The following USB1 variants were observed in gnomAD, a reference collection of about 807,000 sequenced individuals.
The protein encoded by USB1 is U6 snRNA biogenesis phosphodiesterase 1, also known as U6 snRNA phosphodiesterase 1.
Under a neutral mutation model 29.9 loss-of-function variants are expected in USB1, and 21 were observed. The ratio of observed to expected loss-of-function variants is 0.70; its 90% CI spans 0.50 to 1.01. USB1 has a LOEUF of 1.01. Ranked by LOEUF, USB1 falls within the 50% of genes least tolerant of loss-of-function variation. The pLI, the probability that USB1 is intolerant of heterozygous loss-of-function variation, is 0.00. For missense variants in USB1, 330 were observed against 347.1 expected, an observed-to-expected ratio of 0.95 and a Z score of 0.39; for synonymous variants, 143 against 134.9, an observed-to-expected ratio of 1.06 and a Z score of -0.42.
rs937175699 is a variant in USB1 at position 58,012,341 on chromosome 16, A to G, written c.450-1932A>G. 3.3e-6 allele frequency: 5 copies of G among 1,534,476 alleles called. No individual in the cohort carries two copies. The African/African-American group carries it at 6.8e-5, about 21-fold the overall frequency. Reference sequence around the variant, plus strand: ...CACAGGTGCCAGAAGCCCATGCCAGAAGCCCAACCCAAAGTGGCTTAAACC... The same window carrying G: ...CACAGGTGCCAGAAGCCCATGCCAGGAGCCCAACCCAAAGTGGCTTAAACC... On this transcript the variant is annotated intron_variant, in intron 3 of 6. Transcript: ENST00000219281.
intron 4 of USB1, 191 bp from the exon 5 acceptor site, chr16:58,017,143 G>A (rs914697955): frequency 1.0e-4 from 65 of 627,578 alleles, no homozygotes; most frequent in Non-Finnish European, 1.8e-4. Context: ...AACTGGGAAA[G>A]GAAGATTTAC....
chr16:58,012,302 A>C, intron 3 of USB1: 1 of 1,535,512 alleles, frequency 6.5e-7, no homozygotes, highest in Non-Finnish European at 8.7e-7. Context: ...GTATATTATC[A>C]GGACTCTCTT....
Position 58,012,713 on chromosome 16 carries a change from G to A in USB1, c.450-1560G>A, listed in dbSNP as rs865900748. On this transcript the variant is annotated intron_variant, in intron 3 of 6. Coordinates refer to ENST00000219281, the MANE Select transcript of USB1 (RefSeq NM_024598.4). ...ACAGAGAGTGCTTCCCTTATCCTGC[G>A]GAAGCTCTGCCCCTGGATGAAGGAG... is the stretch of plus-strand genomic sequence containing the variant. The A allele has an allele frequency of 2.0e-5, 22 of 1,091,548 alleles. No homozygotes were observed. In the East Asian group the frequency reaches 2.6e-4, roughly 13 times the overall value. The allele number at this position is 1,091,548 out of a possible 1,614,324, so 67.6% of individuals were successfully genotyped here.
In USB1 at chr16:58,013,094, A is replaced by G; in HGVS notation, c.450-1179A>G. On this transcript the variant is annotated intron_variant, in intron 3 of 6. Transcript: ENST00000219281. The surrounding 1 kb of genome is among the most constrained non-coding windows in gnomAD (Gnocchi z 4.3). ...CATCTGGTTGAGCCTAAGGTGACCA[A>G]GAGTGGGCGGTGCACCCCTGATTCT... 1 of 985,552 alleles carries G rather than the reference A, an allele frequency of 1.0e-6. No homozygotes were observed. Among genetic ancestry groups the G allele is most frequent in the Non-Finnish European group, 1.2e-6 (1 of 830,028 alleles). 61.1% of individuals were successfully genotyped at this position (985,552 alleles called of 1,614,324 possible).
upstream of USB1, chr16:58,001,390 C>G: frequency 6.9e-7 from 1 of 1,440,740 alleles, no homozygotes; most frequent in Non-Finnish European, 9.5e-7. Flanking sequence ...CAGCCCAGGC[C>G]CCGCCCCTGG....
intron 2 of USB1, among the ~76,000 whole-genome samples, chr16:58,008,630 T>G (rs1277237997): frequency 6.6e-6 from 1 of 152,018 alleles, no homozygotes; most frequent in African/African-American, 2.4e-5. Context: ...TTTTTGTATT[T>G]TTAGTAGAGA....
chr16:58,020,449 T>C lies in USB1; in HGVS notation c.*204T>C. ...TTCTCTTCCTCTTCTTTCTCTCTCT[T>C]CTCCTCTCTTTCTCTCCTCTGTCTC... On this transcript the variant is annotated 3_prime_UTR_variant, in exon 7 of 7. Coordinates refer to ENST00000219281, the MANE Select transcript of USB1 (RefSeq NM_024598.4). 1 of 617,944 alleles carries C rather than the reference T, an allele frequency of 1.6e-6. No individual in the cohort carries two copies. Among genetic ancestry groups the C allele is most frequent in the South Asian group, 1.9e-5 (1 of 53,222 alleles). The allele number at this position is 617,944 out of a possible 1,614,324, so 38.3% of individuals were successfully genotyped here. A position where few individuals can be genotyped will look rare whatever the true frequency, so the allele number is the denominator to read the frequency against.
At chr16:58,011,417 T>G in intron 3 of USB1, 2 of 1,131,636 alleles carry the variant, frequency 1.8e-6, no homozygotes, top group South Asian at 6.3e-5. Context: ...CCTATTAGAT[T>G]ATTTCATAAC....
intron 4 of USB1, 82 bp from the exon 5 acceptor site, chr16:58,017,252 C>G: frequency 7.6e-7 from 1 of 1,322,916 alleles, no homozygotes; most frequent in African/African-American, 1.4e-5. Context: ...TCTTGGCCTT[C>G]TGCCTGGCTC....
At chr16:58,012,874 T>C in intron 3 of USB1, 2 of 986,966 alleles carry the variant, frequency 2.0e-6, no homozygotes, top group Non-Finnish European at 2.4e-6. Context: ...CACGAGTCCC[T>C]TGCTGGGACT....
intron 2 of USB1, among the ~76,000 whole-genome samples, chr16:58,006,713 T>C (rs955547744): frequency 2.0e-5 from 3 of 152,208 alleles, no homozygotes; most frequent in African/African-American, 7.2e-5. Context: ...CTGTATACCT[T>C]TTATTTCCTT....
intron 2 of USB1, among the ~76,000 whole-genome samples, chr16:58,005,762 A>G (rs921719799): frequency 2.6e-5 from 4 of 152,116 alleles, no homozygotes; most frequent in Non-Finnish European, 5.9e-5. Flanking sequence ...CCACTTACTT[A>G]GTTCTTCTTT....
At chr16:58,003,536 G>C (rs1963283021) in intron 2 of USB1, among the ~76,000 whole-genome samples, 1 of 152,184 alleles carries the variant, frequency 6.6e-6, no homozygotes, top group Non-Finnish European at 1.5e-5. Context: ...GGTATTGACA[G>C]TGTTCTGGAG....
intron 2 of USB1, among the ~76,000 whole-genome samples, chr16:58,004,498 T>C (rs1456056060): frequency 6.6e-6 from 1 of 152,224 alleles, no homozygotes; most frequent in Non-Finnish European, 1.5e-5. Flanking sequence ...CAAGCTGGTC[T>C]TGAATTCCTG....
At chr16:58,003,763 GTTTA>G (rs1486721657) in intron 2 of USB1, among the ~76,000 whole-genome samples, 1 of 151,952 alleles carries the variant, frequency 6.6e-6, no homozygotes, top group Non-Finnish European at 1.5e-5. Flanking sequence ...AATCATTTTT[GTTTA>G]TTTAATATTA....
chr16:58,009,813 A>G, intron 2 of USB1, 116 bp from the exon 3 acceptor site: 1 of 1,081,780 alleles, frequency 9.2e-7, no homozygotes, highest in Admixed American at 1.7e-5. Flanking sequence ...CTGTCCAAGT[A>G]ATTTTCTCCC....
intron 3 of USB1, 35 bp from the exon 4 acceptor site, chr16:58,014,238 C>G (rs9924482): frequency 4.5e-6 from 7 of 1,567,672 alleles, no homozygotes; most frequent in Non-Finnish European, 6.1e-6. Context: ...TTTTTTCTTA[C>G]GATTTTTCCT....
At chr16:58,006,007 ATT>A (rs770841114) in intron 2 of USB1, among the ~76,000 whole-genome samples, 7 of 151,956 alleles carry the variant, frequency 4.6e-5, no homozygotes, top group Non-Finnish European at 8.8e-5. Flanking sequence ...CTTCCAGGAA[ATT>A]TTTTTTGGTA....
Position 58,020,509 on chromosome 16 carries a change from T to C in USB1, c.*264T>C, listed in dbSNP as rs1190370389. On this transcript the variant is annotated 3_prime_UTR_variant, in exon 7 of 7. Transcript: ENST00000219281. ...CCTCTCTTCCTCTCTTCTCTCTTCC[T>C]CTCCTCTCTCTCTTCCTCTTCTCTC... 5.8e-6 allele frequency: 3 copies of C among 513,962 alleles called. No individual in the cohort carries two copies. The highest frequency in any genetic ancestry group is 4.0e-5 in the African/African-American group (2 of 50,216). The allele number at this position is 513,962 out of a possible 1,614,324, so 31.8% of individuals were successfully genotyped here. A position where few individuals can be genotyped will look rare whatever the true frequency, so the allele number is the denominator to read the frequency against.
Sources: allele counts gnomAD v4.1 joint callset (sites outside exome capture counted in the v4.1 genomes callset), GRCh38; gene constraint gnomAD v4.1.1; non-coding constraint Gnocchi (gnomAD v3.1); transcripts MANE v1.5; gene names NCBI Gene and HGNC (gene_info 2026-07-23, HGNC 2026-07-21).